The following GNAI3 variants were observed in gnomAD, a reference collection of about 807,000 sequenced individuals.
GNAI3 encodes guanine nucleotide-binding protein G(i) subunit alpha-3.
GNAI3 carries 12 observed loss-of-function variants against 41.8 expected under a neutral mutation model. That is an observed-to-expected ratio of 0.29 (90% CI 0.18 to 0.47). The LOEUF (loss-of-function observed/expected upper bound fraction) is 0.47. Ranked by LOEUF, GNAI3 falls within the 20% of genes least tolerant of loss-of-function variation. The probability of loss-of-function intolerance (pLI) is 1.00; values close to 1 mark genes in which losing one functional copy is unlikely to be tolerated. For synonymous variants in GNAI3, 132 were observed against 146.5 expected, an observed-to-expected ratio of 0.90 and a Z score of 0.71; for missense variants, 360 against 429.6, an observed-to-expected ratio of 0.84 and a Z score of 1.43.
chr1:109,583,857 C>G (rs983125742), intron 5 of GNAI3, among the ~76,000 whole-genome samples: 1 of 151,628 alleles, frequency 6.6e-6, no homozygotes, highest in South Asian at 2.1e-4. Context: ...TCCCAAAGTG[C>G]TGGGATTACA....
At chr1:109,591,432 C>G in intron 7 of GNAI3, 1 of 723,938 alleles carries the variant, frequency 1.4e-6, no homozygotes, top group Non-Finnish European at 2.4e-6. Flanking sequence ...CAAACTGTAT[C>G]CTTCTCAACA....
intron 5 of GNAI3, among the ~76,000 whole-genome samples, chr1:109,583,569 T>C (rs1051655901): frequency 5.9e-5 from 9 of 152,002 alleles, no homozygotes; most frequent in Non-Finnish European, 8.8e-5. Context: ...CAAATAACTT[T>C]CTCATTAGCA....
chr1:109,559,372 C>T (rs781656674), intron 1 of GNAI3, among the ~76,000 whole-genome samples: 1 of 152,100 alleles, frequency 6.6e-6, no homozygotes, highest in Non-Finnish European at 1.5e-5. Flanking sequence ...GCAATTAATA[C>T]AGGGCAAAGA....
chr1:109,589,887 AGGT>A (rs552306160), intron 7 of GNAI3, among the ~76,000 whole-genome samples: 215 of 152,310 alleles, frequency 1.4e-3, no homozygotes, highest in African/African-American at 5.0e-3. Context: ...CACTAGAGAG[AGGT>A]GGTGATTGCA....
chr1:109,591,749 C>T (rs1208821011), intron 7 of GNAI3: 2 of 364,106 alleles, frequency 5.5e-6, no homozygotes, highest in South Asian at 8.3e-5. Context: ...TCCTAGTTTC[C>T]TTTTATACTT....
chr1:109,584,956 G>A (rs946323199), intron 5 of GNAI3, among the ~76,000 whole-genome samples: 2 of 152,198 alleles, frequency 1.3e-5, no homozygotes, highest in Admixed American at 6.5e-5. Flanking sequence ...CATTTCAGGT[G>A]TCATGACCAA....
Position 109,558,292 on chromosome 1 carries a change from G to A in GNAI3, c.118+9454G>A, listed in dbSNP as rs12066057. 4.9e-3 allele frequency among the ~76,000 whole-genome samples: 739 copies of A among 152,036 alleles called. 7 individuals are homozygous for A. The highest frequency in any genetic ancestry group is 0.016 in the African/African-American group (681 of 41,448). On this transcript the variant is annotated intron_variant, in intron 1 of 8. Coordinates refer to ENST00000369851, the MANE Select transcript of GNAI3 (RefSeq NM_006496.4). Reference sequence around the variant, plus strand: ...ACAAAAATTAGCCAGGCGTGGTGGTGCACACCTGTAATCCCAGCTACTTGG... The same window carrying A: ...ACAAAAATTAGCCAGGCGTGGTGGTACACACCTGTAATCCCAGCTACTTGG...
Position 109,574,051 on chromosome 1 carries a change from A to G in GNAI3, c.303+14A>G. On this transcript the variant is annotated intron_variant, in intron 3 of 8. Coordinates refer to ENST00000369851, the MANE Select transcript of GNAI3 (RefSeq NM_006496.4). ...GCTGCCAGGGCAGTAAGTGTTTCTC[A>G]TTTCCTCTTCACTTGCTCTTATTCA... is the stretch of plus-strand genomic sequence containing the variant. 2.5e-6 allele frequency: 4 copies of G among 1,592,586 alleles called. No individual in the cohort carries two copies. The highest frequency in any genetic ancestry group is 3.4e-6 in the Non-Finnish European group (4 of 1,170,764).
intron 1 of GNAI3, among the ~76,000 whole-genome samples, chr1:109,551,436 A>G (rs1002297471): frequency 3.3e-5 from 5 of 152,206 alleles, no homozygotes; most frequent in African/African-American, 9.6e-5. Context: ...AGATCTATCT[A>G]CTTACCCTGT....
intron 6 of GNAI3, among the ~76,000 whole-genome samples, 157 bp from the exon 7 acceptor site, chr1:109,586,572 A>C (rs1649037676): frequency 6.6e-6 from 1 of 152,192 alleles, no homozygotes; most frequent in Admixed American, 6.5e-5. Flanking sequence ...CAAAAATTAC[A>C]AAAATGAGGA....
intron 5 of GNAI3, among the ~76,000 whole-genome samples, chr1:109,583,792 C>A (rs1047842024): frequency 1.3e-5 from 2 of 149,224 alleles, no homozygotes; most frequent in Non-Finnish European, 3.0e-5. Context: ...GGGCTTTTAC[C>A]GTGTTAGCCA....
At chr1:109,588,147 G>A (rs1457482039) in intron 7 of GNAI3, among the ~76,000 whole-genome samples, 4 of 152,136 alleles carry the variant, frequency 2.6e-5, no homozygotes, top group Admixed American at 2.0e-4. Context: ...TTGGGAGGCC[G>A]AGGCGGGTGA....
chr1:109,597,124 T>C lies in GNAI3; in HGVS notation c.*4802T>C, dbSNP rs1329550982. On this transcript the variant is annotated 3_prime_UTR_variant, in exon 9 of 9. Transcript: ENST00000369851. ...CAAAAAGCTTTTGATTTTGGAGCAT[T>C]TTAGATTTTGGATTTTCAGATTTGA... 6.6e-6 allele frequency: 1 copy of C among 152,182 alleles called. No homozygotes were observed. Among genetic ancestry groups the C allele is most frequent in the Non-Finnish European group, 1.5e-5 (1 of 68,030 alleles). 9.4% of individuals were successfully genotyped at this position (152,182 alleles called of 1,614,324 possible).
chr1:109,559,655 A>T (rs1648256585), intron 1 of GNAI3, among the ~76,000 whole-genome samples: 1 of 152,198 alleles, frequency 6.6e-6, no homozygotes, highest in South Asian at 2.1e-4. Context: ...TTCATGAAGT[A>T]CCCCTAATGT....
At position 109,599,518 on chromosome 1, in the gene GNAI3, G is replaced by A. The variant is rs908113441; in HGVS notation, c.*7196G>A. ...TTTGTCCTTTTGTGTCAATCATATT[G>A]TATTTTTGTCTAAAAAAGGAAAACT... On this transcript the variant is annotated 3_prime_UTR_variant, in exon 9 of 9. Transcript: ENST00000369851. 1.3e-5 allele frequency: 2 copies of A among 152,020 alleles called. No homozygotes were observed. Among genetic ancestry groups the A allele is most frequent in the Non-Finnish European group, 2.9e-5 (2 of 68,012 alleles). 9.4% of individuals were successfully genotyped at this position (152,020 alleles called of 1,614,324 possible). A position where few individuals can be genotyped will look rare whatever the true frequency, so the allele number is the denominator to read the frequency against.
intron 3 of GNAI3, among the ~76,000 whole-genome samples, chr1:109,576,000 C>T (rs1177461422): frequency 1.3e-5 from 2 of 152,156 alleles, no homozygotes; most frequent in African/African-American, 4.8e-5. Flanking sequence ...TTAAACATTG[C>T]TTTTTATTTT....
At chr1:109,564,951 C>T (rs1648411327) in intron 1 of GNAI3, among the ~76,000 whole-genome samples, 1 of 152,126 alleles carries the variant, frequency 6.6e-6, no homozygotes, top group Non-Finnish European at 1.5e-5. Flanking sequence ...CAACTCACTG[C>T]CTTCTTTTAT....
chr1:109,558,796 A>G (rs1648228183), intron 1 of GNAI3, among the ~76,000 whole-genome samples: 1 of 152,196 alleles, frequency 6.6e-6, no homozygotes, highest in Admixed American at 6.5e-5. Context: ...TTAGCTATCC[A>G]TGCTTTGTTT....
chr1:109,562,949 A>G (rs1399347855), intron 1 of GNAI3, among the ~76,000 whole-genome samples: 1 of 152,202 alleles, frequency 6.6e-6, no homozygotes, highest in Non-Finnish European at 1.5e-5. Flanking sequence ...TGTGGGTTAC[A>G]GTTGCTTGTG....
Sources: gnomAD v4.1 joint callset for allele counts (sites outside exome capture counted in the v4.1 genomes callset) on GRCh38, gnomAD v4.1.1 for gene constraint, MANE v1.5 for transcripts, NCBI Gene and HGNC (gene_info 2026-07-23, HGNC 2026-07-21) for gene names.